The following PPP2R2B variants were observed in gnomAD, a reference collection of about 807,000 sequenced individuals.
PPP2R2B encodes the protein protein phosphatase 2 regulatory subunit Bbeta, also known as serine/threonine-protein phosphatase 2A 55 kDa regulatory subunit B beta isoform.
Under a neutral mutation model 46.0 loss-of-function variants are expected in PPP2R2B, and 5 were observed. The ratio of observed to expected loss-of-function variants is 0.11; its 90% CI spans 0.06 to 0.23. PPP2R2B has a LOEUF of 0.23. PPP2R2B is among the 10% of genes least tolerant of loss of function. The probability of loss-of-function intolerance (pLI) is 1.00; values close to 1 mark genes in which losing one functional copy is unlikely to be tolerated. For synonymous variants in PPP2R2B, 215 were observed against 206.7 expected, an observed-to-expected ratio of 1.04 and a Z score of -0.34; for missense variants, 367 against 575.0, an observed-to-expected ratio of 0.64 and a Z score of 3.70.
intron 1 of PPP2R2B, among the ~76,000 whole-genome samples, chr5:147,049,906 A>G (rs1756722562): frequency 6.6e-6 from 1 of 152,188 alleles, no homozygotes; most frequent in Non-Finnish European, 1.5e-5. Flanking sequence ...ATTTTTCTGA[A>G]AAGAGGAGCA....
At position 146,584,384 on chromosome 5, in the gene PPP2R2B, C is replaced by T. The variant is rs1278690596; in HGVS notation, c.*5563G>A. 1 of 152,194 alleles carries T rather than the reference C, an allele frequency of 6.6e-6. No individual in the cohort carries two copies. Among genetic ancestry groups the T allele is most frequent in the African/African-American group, 2.4e-5 (1 of 41,452 alleles). The allele number at this position is 152,194 out of a possible 1,614,324, so 9.4% of individuals were successfully genotyped here. The stretch of plus-strand genomic sequence containing the variant: ...TTTGATGACAGACCAAATTTGTATT[C>T]TTGGTCAGCTGTCAGGCAATATTTA... On this transcript the variant is annotated 3_prime_UTR_variant, in exon 10 of 10. Coordinates refer to ENST00000394411, the MANE Select transcript of PPP2R2B (RefSeq NM_181675.4).
At chr5:146,921,114 T>C (rs1763590103) in intron 1 of PPP2R2B, among the ~76,000 whole-genome samples, 1 of 152,190 alleles carries the variant, frequency 6.6e-6, no homozygotes, top group African/African-American at 2.4e-5. Flanking sequence ...CAAATGTTAA[T>C]TTTGCAAAAC....
At chr5:147,071,837 G>C (rs77957552) in intron 2 of PPP2R2B, among the ~76,000 whole-genome samples, 1 of 152,168 alleles carries the variant, frequency 6.6e-6, no homozygotes, top group African/African-American at 2.4e-5. Flanking sequence ...CCAGTGCCTA[G>C]AATGCCAAGC....
chr5:146,745,299 G>A (rs542328737), intron 2 of PPP2R2B, among the ~76,000 whole-genome samples: 81 of 152,230 alleles, frequency 5.3e-4, no homozygotes, highest in Non-Finnish European at 1.0e-3. Context: ...GTAACCCTGT[G>A]CCCTTGAACA....
chr5:146,589,467 T>C lies in PPP2R2B; in HGVS notation c.*480A>G, dbSNP rs1770377084. 6.5e-6 allele frequency: 1 copy of C among 154,936 alleles called. No individual in the cohort carries two copies. Among genetic ancestry groups the C allele is most frequent in the Admixed American group, 6.4e-5 (1 of 15,664 alleles). 9.6% of individuals were successfully genotyped at this position (154,936 alleles called of 1,614,324 possible). A position where few individuals can be genotyped will look rare whatever the true frequency, so the allele number is the denominator to read the frequency against. On this transcript the variant is annotated 3_prime_UTR_variant, in exon 10 of 10. Coordinates refer to ENST00000394411, the MANE Select transcript of PPP2R2B (RefSeq NM_181675.4). ...AAAAAAATGGTGGAGGGGCAGGAGATACTGACTAGTTCTGGTTTTTCACAA... is the reference window on the plus strand; with the variant it reads ...AAAAAAATGGTGGAGGGGCAGGAGACACTGACTAGTTCTGGTTTTTCACAA...
In PPP2R2B at chr5:146,621,249, G is replaced by A. The variant is rs143310808; in HGVS notation, c.790+17002C>T. Among the ~76,000 whole-genome samples, 273 of 152,340 alleles carry A rather than the reference G, an allele frequency of 1.8e-3. 2 individuals carry two copies. The highest frequency in any genetic ancestry group is 3.4e-3 in the Middle Eastern group (1 of 294). On this transcript the variant is annotated intron_variant, in intron 7 of 9. Coordinates refer to ENST00000394411, the MANE Select transcript of PPP2R2B (RefSeq NM_181675.4). ...GATCCATTTCTTAAAGGTTCCTGGA[G>A]TTTGCAAACATCGAGTAGTGATAGT...
At chr5:146,836,486 A>G (rs1759289400) in intron 2 of PPP2R2B, among the ~76,000 whole-genome samples, 1 of 152,198 alleles carries the variant, frequency 6.6e-6, no homozygotes, top group East Asian at 1.9e-4. Flanking sequence ...TGTATTTTGT[A>G]AAGTTGAGCT....
At chr5:146,759,416 C>G (rs939439600) in intron 2 of PPP2R2B, among the ~76,000 whole-genome samples, 12 of 152,310 alleles carry the variant, frequency 7.9e-5, no homozygotes, top group African/African-American at 2.6e-4. Context: ...AAGGAATTAT[C>G]CATCGCAGAA....
intron 2 of PPP2R2B, among the ~76,000 whole-genome samples, chr5:146,793,327 T>G (rs1756329806): frequency 6.6e-6 from 1 of 152,188 alleles, no homozygotes; most frequent in African/African-American, 2.4e-5. Context: ...ATAGAAATTT[T>G]GAAGCAGCAG....
intron 2 of PPP2R2B, among the ~76,000 whole-genome samples, chr5:146,825,632 C>T (rs1758532126): frequency 6.6e-6 from 1 of 152,196 alleles, no homozygotes; most frequent in East Asian, 1.9e-4. Context: ...ATTTAGGCTC[C>T]TCCACCTATT....
intron 2 of PPP2R2B, among the ~76,000 whole-genome samples, chr5:146,729,471 T>A (rs2151203641): frequency 6.6e-6 from 1 of 152,314 alleles, no homozygotes; most frequent in Non-Finnish European, 1.5e-5. Context: ...AGCAGGAGCC[T>A]AATGTTAATC....
At position 146,585,608 on chromosome 5, in the gene PPP2R2B, G is replaced by A. The variant is rs78525274; in HGVS notation, c.*4339C>T. 2.0e-5 allele frequency: 3 copies of A among 152,082 alleles called. No homozygotes were observed. The highest frequency in any genetic ancestry group is 7.2e-5 in the African/African-American group (3 of 41,400). 9.4% of individuals were successfully genotyped at this position (152,082 alleles called of 1,614,324 possible). ...TTGGAGTCCTGGTTCCATCTCTCTC[G>A]GGCTTTGTGCCCTTGGCTAGGTTGA... On this transcript the variant is annotated 3_prime_UTR_variant, in exon 10 of 10. Transcript: ENST00000394411.
chr5:146,732,117 C>T (rs1347487746), intron 2 of PPP2R2B, among the ~76,000 whole-genome samples: 1 of 152,150 alleles, frequency 6.6e-6, no homozygotes, highest in Non-Finnish European at 1.5e-5. Context: ...TTCATTATCA[C>T]AAGAAAGGAG....
intron 1 of PPP2R2B, among the ~76,000 whole-genome samples, chr5:147,025,470 A>T (rs986034296): frequency 6.6e-6 from 1 of 152,030 alleles, no homozygotes; most frequent in Non-Finnish European, 1.5e-5. Context: ...AAATAAAAAA[A>T]AAACCCCGAA....
At chr5:146,748,554 C>T (rs976245011) in intron 2 of PPP2R2B, among the ~76,000 whole-genome samples, 5 of 152,194 alleles carry the variant, frequency 3.3e-5, no homozygotes, top group Non-Finnish European at 7.3e-5. Context: ...CTACAACATT[C>T]TTGAAATGAT....
chr5:146,647,216 T>C (rs1775638406), intron 6 of PPP2R2B, among the ~76,000 whole-genome samples: 1 of 8,648 alleles, frequency 1.2e-4, no homozygotes, highest in African/African-American at 1.9e-4. Flanking sequence ...TTTTTTGACG[T>C]TCACTATTGC....
intron 2 of PPP2R2B, among the ~76,000 whole-genome samples, chr5:146,867,460 A>C (rs932161904): frequency 1.3e-5 from 2 of 152,184 alleles, no homozygotes; most frequent in African/African-American, 4.8e-5. Flanking sequence ...ACTGTCAACT[A>C]TTGGTCCCAA....
At chr5:146,979,490 C>G (rs1196822433) in intron 1 of PPP2R2B, among the ~76,000 whole-genome samples, 1 of 151,810 alleles carries the variant, frequency 6.6e-6, no homozygotes, top group African/African-American at 2.4e-5. Flanking sequence ...ATAGTAGATG[C>G]TCAATAGATG....
intron 2 of PPP2R2B, among the ~76,000 whole-genome samples, chr5:146,851,878 C>T (rs1004836050): frequency 8.6e-5 from 13 of 151,712 alleles, no homozygotes; most frequent in Non-Finnish European, 1.9e-4. Flanking sequence ...GAAAATCTTA[C>T]GACATCTGTG....
Sources: gnomAD v4.1 joint callset for allele counts (sites outside exome capture counted in the v4.1 genomes callset) on GRCh38, gnomAD v4.1.1 for gene constraint, MANE v1.5 for transcripts, NCBI Gene and HGNC (gene_info 2026-07-23, HGNC 2026-07-21) for gene names.